Variants in FLI1 observed in about 807,000 individuals in gnomAD.
The protein encoded by FLI1 is Friend leukemia integration 1 transcription factor.
FLI1 carries 13 observed loss-of-function variants against 53.1 expected under a neutral mutation model. That is an observed-to-expected ratio of 0.24 (90% CI 0.16 to 0.39). FLI1 has a LOEUF of 0.39. FLI1 is among the 10% of genes least tolerant of loss of function. The pLI is 1.00. For synonymous variants in FLI1, 244 were observed against 236.7 expected, an observed-to-expected ratio of 1.03 and a Z score of -0.28; for missense variants, 424 against 600.5, an observed-to-expected ratio of 0.71 and a Z score of 3.07.
rs1000038036 is a variant in FLI1 at position 128,773,103 on chromosome 11, G to A, written c.589+118G>A. ...AGATGCCGCCGGAGCAGCATCGTGG[G>A]GCCTGTAGTGTTGCCAAGGTCACGT... On this transcript the variant is annotated intron_variant, in intron 4 of 8. Transcript: ENST00000527786. 3 of 923,100 alleles carry A rather than the reference G, an allele frequency of 3.2e-6. No individual in the cohort carries two copies. The African/African-American group carries it at 4.9e-5, about 15-fold the overall frequency. The allele number at this position is 923,100 out of a possible 1,614,324, so 57.2% of individuals were successfully genotyped here. A position where few individuals can be genotyped will look rare whatever the true frequency, so the allele number is the denominator to read the frequency against.
At chr11:128,731,171 G>GGTGAGGCT (rs778419047) in intron 1 of FLI1, among the ~76,000 whole-genome samples, 94 of 152,348 alleles carry the variant, frequency 6.2e-4, no homozygotes, top group Non-Finnish European at 1.1e-3. Context: ...TTGAAGGTAG[G>GGTGAGGCT]GTGAGGCTGT....
Position 128,807,177 on chromosome 11 carries a change from C to T in FLI1, c.722-3C>T. 1 of 1,586,440 alleles carries T rather than the reference C, an allele frequency of 6.3e-7. No individual in the cohort carries two copies. The highest frequency in any genetic ancestry group is 2.3e-5 in the East Asian group (1 of 43,276). ...CACTGCATTTCTTTCCCTCTTGCCA[C>T]AGGTCCTCCCCTTGGAGGGGCACAA... is the stretch of plus-strand genomic sequence containing the variant. On this transcript the variant is annotated splice_region_variant and splice_polypyrimidine_tract_variant and intron_variant, in intron 6 of 8. Coordinates refer to ENST00000527786, the MANE Select transcript of FLI1 (RefSeq NM_002017.5).
chr11:128,771,821 C>G (rs1267750766), intron 3 of FLI1, among the ~76,000 whole-genome samples: 1 of 152,126 alleles, frequency 6.6e-6, no homozygotes, highest in African/African-American at 2.4e-5. Context: ...GCTTGCCTAC[C>G]TGTTTCATGG....
intron 5 of FLI1, among the ~76,000 whole-genome samples, chr11:128,799,063 G>C (rs1942545887): frequency 7.6e-6 from 1 of 132,176 alleles, no homozygotes; most frequent in Admixed American, 7.4e-5. Context: ...TTTTGCTTTG[G>C]AGACAGGATC....
Position 128,781,913 on chromosome 11 carries a change from C to G in FLI1, c.590-45C>G, listed in dbSNP as rs1941927026. The G allele has an allele frequency of 3.4e-6, 5 of 1,490,324 alleles. No individual in the cohort carries two copies. In the South Asian group the frequency reaches 4.5e-5, roughly 13 times the overall value. The allele number at this position is 1,490,324 out of a possible 1,614,324, so 92.3% of individuals were successfully genotyped here. A position where few individuals can be genotyped will look rare whatever the true frequency, so the allele number is the denominator to read the frequency against. On this transcript the variant is annotated intron_variant, in intron 4 of 8. Coordinates refer to ENST00000527786, the MANE Select transcript of FLI1 (RefSeq NM_002017.5). ...TCATGTCATCTCCTACTCTTGATCT[C>G]AGAAGAACATTTTGGTTATAACCTG... is the stretch of plus-strand genomic sequence containing the variant.
chr11:128,719,666 G>T (rs937024825), intron 1 of FLI1, among the ~76,000 whole-genome samples: 2 of 152,152 alleles, frequency 1.3e-5, no homozygotes, highest in Admixed American at 1.3e-4. Context: ...TGTTTCTGGG[G>T]CCTCATTTGC....
At chr11:128,782,947 A>T (rs756259351) in intron 5 of FLI1, among the ~76,000 whole-genome samples, 2 of 152,204 alleles carry the variant, frequency 1.3e-5, no homozygotes, top group Non-Finnish European at 2.9e-5. Context: ...AAGGAGGAAA[A>T]GATGTGAACA....
At chr11:128,771,058 C>T (rs1356647635) in intron 3 of FLI1, among the ~76,000 whole-genome samples, 1 of 152,240 alleles carries the variant, frequency 6.6e-6, no homozygotes, top group Non-Finnish European at 1.5e-5. Context: ...AGCCCAGATA[C>T]TTACCAGCGA....
intron 6 of FLI1, 61 bp from the exon 7 acceptor site, chr11:128,807,119 C>T (rs372766245): frequency 4.6e-5 from 48 of 1,036,640 alleles, no homozygotes; most frequent in Non-Finnish European, 6.1e-5. Context: ...TCTGTCAAGA[C>T]GTCTTGCTCC....
At chr11:128,767,850 CAAA>C (rs1941400928) in intron 2 of FLI1, among the ~76,000 whole-genome samples, 1 of 152,206 alleles carries the variant, frequency 6.6e-6, no homozygotes, top group Admixed American at 6.5e-5. Flanking sequence ...CGATGCCACA[CAAA>C]GAAGCTCAGA....
chr11:128,765,487 G>T (rs978986375), intron 2 of FLI1, among the ~76,000 whole-genome samples: 1 of 152,172 alleles, frequency 6.6e-6, no homozygotes, highest in East Asian at 1.9e-4. Context: ...GTCCACAAAC[G>T]GGAGGAGCCC....
At chr11:128,736,578 A>G (rs2135764089) in intron 1 of FLI1, among the ~76,000 whole-genome samples, 1 of 152,334 alleles carries the variant, frequency 6.6e-6, no homozygotes, top group Admixed American at 6.5e-5. Context: ...ACAGATGACA[A>G]TTTCCACTAT....
chr11:128,784,684 C>G (rs1363944910), intron 5 of FLI1, among the ~76,000 whole-genome samples: 1 of 151,874 alleles, frequency 6.6e-6, no homozygotes, highest in Non-Finnish European at 1.5e-5. Context: ...CAAAGCTAAG[C>G]AAGCCCTCCC....
chr11:128,745,860 T>G (rs955091332), intron 1 of FLI1, among the ~76,000 whole-genome samples: 1 of 152,192 alleles, frequency 6.6e-6, no homozygotes, highest in Non-Finnish European at 1.5e-5. Context: ...TATGCATGTT[T>G]CCTCGTGGGC....
At chr11:128,711,295 C>T (rs1294068812) in intron 1 of FLI1, among the ~76,000 whole-genome samples, 1 of 152,320 alleles carries the variant, frequency 6.6e-6, no homozygotes, top group African/African-American at 2.4e-5. Flanking sequence ...GGCATATTTA[C>T]ACGGATTATT....
intron 5 of FLI1, among the ~76,000 whole-genome samples, chr11:128,788,034 C>T (rs995209893): frequency 2.0e-5 from 3 of 151,286 alleles, no homozygotes; most frequent in Non-Finnish European, 4.4e-5. Context: ...ATGGTCTCGA[C>T]CTCCTGACCT....
At chr11:128,709,114 T>A (rs1370005168) in intron 1 of FLI1, among the ~76,000 whole-genome samples, 1 of 152,200 alleles carries the variant, frequency 6.6e-6, no homozygotes, top group Non-Finnish European at 1.5e-5. Context: ...AATTGTGTGG[T>A]CTTCGGTCAG....
rs188285110 is a variant in FLI1 at position 128,800,072 on chromosome 11, G to C, written c.656-5294G>C. 1.7e-3 allele frequency among the ~76,000 whole-genome samples: 263 copies of C among 152,256 alleles called. 1 individual carries two copies. The highest frequency in any genetic ancestry group is 5.9e-3 in the African/African-American group (246 of 41,554). ...GCTTGGCTCTCTTGGGAAGTTGAGG[G>C]CTTTGGGTCTCAGGTCTGCCATTGA... is the stretch of plus-strand genomic sequence containing the variant. On this transcript the variant is annotated intron_variant, in intron 5 of 8. Coordinates refer to ENST00000527786, the MANE Select transcript of FLI1 (RefSeq NM_002017.5).
At position 128,747,263 on chromosome 11, in the gene FLI1, G is replaced by A. The variant is rs74325953; in HGVS notation, c.19-10852G>A. On this transcript the variant is annotated intron_variant, in intron 1 of 8. Transcript: ENST00000527786. The stretch of plus-strand genomic sequence containing the variant: ...GGAAATGACGAATCTCAGCGCAGCA[G>A]CACTTTATCCACCTGTGTGGCTGTG... Among the ~76,000 whole-genome samples the A allele has an allele frequency of 2.5e-3, 377 of 152,344 alleles. 1 individual carries two copies. The highest frequency in any genetic ancestry group is 8.6e-3 in the African/African-American group (359 of 41,590).
Sources: gnomAD v4.1 joint callset for allele counts (sites outside exome capture counted in the v4.1 genomes callset) on GRCh38, gnomAD v4.1.1 for gene constraint, MANE v1.5 for transcripts, NCBI Gene and HGNC (gene_info 2026-07-23, HGNC 2026-07-21) for gene names.